The following GYPB variants were observed in gnomAD, a reference collection of about 807,000 sequenced individuals.
GYPB encodes the protein glycophorin B (MNS blood group).
A neutral mutation model predicts 15.3 loss-of-function variants in GYPB; 13 were observed. The ratio of observed to expected loss-of-function variants is 0.85; its 90% CI spans 0.55 to 1.35. The LOEUF is 1.35. Ranked by LOEUF, GYPB falls within the 40% of genes most tolerant of loss-of-function variation. The probability of loss-of-function intolerance (pLI) is 0.00; values close to 1 mark genes in which losing one functional copy is unlikely to be tolerated. For synonymous variants in GYPB, 38 were observed against 36.9 expected, an observed-to-expected ratio of 1.03 and a Z score of -0.11; for missense variants, 131 against 108.3, an observed-to-expected ratio of 1.21 and a Z score of -0.93.
chr4:144,004,263 C>A (rs1450470404), intron 1 of GYPB, among the ~76,000 whole-genome samples: 1 of 151,856 alleles, frequency 6.6e-6, no homozygotes, highest in Admixed American at 6.5e-5. Flanking sequence ...ATCATTTCCT[C>A]AACAATCTCA....
intron 1 of GYPB, among the ~76,000 whole-genome samples, chr4:144,013,482 T>C (rs574192559): frequency 0.013 from 1,963 of 151,296 alleles, 135 homozygotes; most frequent in African/African-American, 0.046. Context: ...ATGTTTATTG[T>C]GGCATTATTC....
rs13125908 is a variant in GYPB at position 144,015,638 on chromosome 4, C to T, written c.37+3613G>A. On this transcript the variant is annotated intron_variant, in intron 1 of 4. Coordinates refer to ENST00000502664, the MANE Select transcript of GYPB (RefSeq NM_002100.6). ...TAAATTTCCTAATTTAAAATCACTACGAAGTAAGTTTGAGATACCATCCCT... is the reference window on the plus strand; with the variant it reads ...TAAATTTCCTAATTTAAAATCACTATGAAGTAAGTTTGAGATACCATCCCT... 1.6e-3 allele frequency among the ~76,000 whole-genome samples: 248 copies of T among 151,452 alleles called. 2 individuals are homozygous for T. Among genetic ancestry groups the T allele is most frequent in the Non-Finnish European group, 2.7e-3 (182 of 67,984 alleles).
intron 4 of GYPB, among the ~76,000 whole-genome samples, chr4:143,997,121 G>A (rs4302420): frequency 0.18 from 27,557 of 150,732 alleles, 3,124 homozygotes; most frequent in South Asian, 0.32. Flanking sequence ...TGCTCAGGCT[G>A]GTCTCAAACT....
intron 1 of GYPB, among the ~76,000 whole-genome samples, chr4:144,016,444 T>G (rs953816967): frequency 1.3e-5 from 2 of 149,682 alleles, no homozygotes; most frequent in Admixed American, 6.6e-5. Context: ...CCTCTCCCTC[T>G]CTGCTTCTCT....
At position 144,013,321 on chromosome 4, in the gene GYPB, G is replaced by A. The variant is rs1728318049; in HGVS notation, c.37+5930C>T. Among the ~76,000 whole-genome samples, 5 of 151,004 alleles carry A rather than the reference G, an allele frequency of 3.3e-5. No individual in the cohort carries two copies. In the South Asian group the frequency reaches 1.0e-3, roughly 31 times the overall value. ...TAGGAACACTTTTACACTGTTGGTG[G>A]GACTGTAAACTAGTTCAACCATTGT... On this transcript the variant is annotated intron_variant, in intron 1 of 4. Transcript: ENST00000502664.
rs547658454 is a variant in GYPB at position 143,998,216 on chromosome 4, G to T, written c.176-582C>A. 7.9e-4 allele frequency among the ~76,000 whole-genome samples: 120 copies of T among 151,388 alleles called. 6 individuals carry two copies. The highest frequency in any genetic ancestry group is 2.8e-3 in the African/African-American group (113 of 40,750). On this transcript the variant is annotated intron_variant, in intron 3 of 4. Transcript: ENST00000502664. ...TTTATTCCTTCCACAGTATTCTTAT[G>T]CATAGTCTCCAATATAGTCACTAAC...
At chr4:144,013,806 G>A (rs1468971826) in intron 1 of GYPB, among the ~76,000 whole-genome samples, 1 of 150,990 alleles carries the variant, frequency 6.6e-6, no homozygotes, top group Non-Finnish European at 1.5e-5. Context: ...AGCATCGGGA[G>A]ATATACCTAA....
At chr4:144,013,617 T>C (rs1728332583) in intron 1 of GYPB, among the ~76,000 whole-genome samples, 1 of 151,032 alleles carries the variant, frequency 6.6e-6, no homozygotes, top group African/African-American at 2.5e-5. Context: ...ATGTCCTTTG[T>C]AGGGACATGG....
At position 143,996,486 on chromosome 4, in the gene GYPB, C is replaced by G. The variant is rs1439133584; in HGVS notation, c.271-182G>C. Among the ~76,000 whole-genome samples the G allele has an allele frequency of 1.6e-4, 24 of 151,084 alleles. 1 individual carries two copies. The highest frequency in any genetic ancestry group is 5.7e-4 in the African/African-American group (23 of 40,448). ...GGTTTTATAAAAACCCTAATTAGGGCCGGGCGCAGTGGCTCACACCTGTAA... is the reference window on the plus strand; with the variant it reads ...GGTTTTATAAAAACCCTAATTAGGGGCGGGCGCAGTGGCTCACACCTGTAA... On this transcript the variant is annotated intron_variant, in intron 4 of 4. Transcript: ENST00000502664.
chr4:143,996,113 T>C lies in GYPB; in HGVS notation c.*186A>G. 7.1e-7 allele frequency: 1 copy of C among 1,402,636 alleles called. No individual in the cohort carries two copies. The highest frequency in any genetic ancestry group is 9.4e-7 in the Non-Finnish European group (1 of 1,058,832). The allele number at this position is 1,402,636 out of a possible 1,614,324, so 86.9% of individuals were successfully genotyped here. Reference sequence around the variant, plus strand: ...GACTATAATACATGAAAACGGTTTGTATTTTGTTTTATTTTTATTTAGAAG... The same window carrying C: ...GACTATAATACATGAAAACGGTTTGCATTTTGTTTTATTTTTATTTAGAAG... On this transcript the variant is annotated 3_prime_UTR_variant, in exon 5 of 5. Transcript: ENST00000502664.
At chr4:144,008,876 G>C (rs1343765580) in intron 1 of GYPB, among the ~76,000 whole-genome samples, 1 of 151,478 alleles carries the variant, frequency 6.6e-6, no homozygotes, top group African/African-American at 2.5e-5. Context: ...CCAGCAGTGA[G>C]AACAACTGCT....
At chr4:143,998,116 G>T (rs1179360300) in intron 3 of GYPB, among the ~76,000 whole-genome samples, 1 of 151,266 alleles carries the variant, frequency 6.6e-6, no homozygotes, top group Non-Finnish European at 1.5e-5. Flanking sequence ...GCTGAATAAG[G>T]TTAACTTAGC....
chr4:144,002,249 T>A (rs1727668331), intron 1 of GYPB, among the ~76,000 whole-genome samples: 1 of 151,538 alleles, frequency 6.6e-6, no homozygotes, highest in Non-Finnish European at 1.5e-5. Context: ...TGATGCAATG[T>A]TGAACATTTG....
intron 2 of GYPB, chr4:144,000,190 A>C (rs573661870): frequency 5.9e-6 from 1 of 169,040 alleles, no homozygotes; most frequent in Non-Finnish European, 1.2e-5. Context: ...GGCTTTACGT[A>C]CAAAGGTTAA....
intron 3 of GYPB, 145 bp from the exon 4 acceptor site, chr4:143,997,779 T>A: frequency 1.6e-6 from 1 of 609,788 alleles, no homozygotes; most frequent in Non-Finnish European, 3.0e-6. Flanking sequence ...TTTGTCTTTT[T>A]TTAAATTGTG....
rs940369626 is a variant in GYPB at position 144,014,724 on chromosome 4, A to C, written c.37+4527T>G. ...TGGTGATGGGTGTGCATCATTTTGA[A>C]TGCATTAAATGCTACCAATTGTACA... On this transcript the variant is annotated intron_variant, in intron 1 of 4. Coordinates refer to ENST00000502664, the MANE Select transcript of GYPB (RefSeq NM_002100.6). 1.4e-4 allele frequency among the ~76,000 whole-genome samples: 21 copies of C among 151,398 alleles called. 3 individuals are homozygous for C. The highest frequency in any genetic ancestry group is 4.4e-4 in the African/African-American group (18 of 40,720).
chr4:144,002,544 T>C, intron 1 of GYPB: 1 of 1,240,810 alleles, frequency 8.1e-7, no homozygotes, highest in Non-Finnish European at 1.1e-6. Context: ...ATGATAAACA[T>C]CAGTACCCTG....
intron 1 of GYPB, among the ~76,000 whole-genome samples, chr4:144,002,014 A>C (rs939065199): frequency 1.3e-5 from 2 of 150,232 alleles, no homozygotes; most frequent in African/African-American, 5.0e-5. Context: ...AGGAAATCAG[A>C]ATGTAGATTC....
rs558933711 is a variant in GYPB, at chr4:144,017,366, G to T, written c.37+1885C>A. Among the ~76,000 whole-genome samples, 3 of 148,254 alleles carry T rather than the reference G, an allele frequency of 2.0e-5. 1 individual carries two copies. Among genetic ancestry groups the T allele is most frequent in the African/African-American group, 7.7e-5 (3 of 39,158 alleles). The stretch of plus-strand genomic sequence containing the variant: ...AAAAAAAAAGAAAAAGAAAAAAAAA[G>T]AAAAAGACTTCACCATGTTTAGTCT... On this transcript the variant is annotated intron_variant, in intron 1 of 4. Transcript: ENST00000502664.
Sources: allele counts gnomAD v4.1 joint callset (sites outside exome capture counted in the v4.1 genomes callset), GRCh38; gene constraint gnomAD v4.1.1; transcripts MANE v1.5; gene names NCBI Gene and HGNC (gene_info 2026-07-23, HGNC 2026-07-21).